The following FAT3 variants were observed in gnomAD, a reference collection of about 807,000 sequenced individuals.
The protein encoded by FAT3 is protocadherin Fat 3.
A neutral mutation model predicts 310.2 loss-of-function variants in FAT3; 95 were observed. The observed-to-expected ratio is 0.31, with a 90% CI of 0.26 to 0.36. The LOEUF (loss-of-function observed/expected upper bound fraction) is 0.36. Among genes scored for constraint, FAT3 ranks in the 10% least tolerant of loss-of-function variants. FAT3 has a pLI of 1.00. For synonymous variants in FAT3, 2,314 were observed against 2,192.9 expected (o/e 1.06, Z -1.54); for missense variants, 5,408 against 5,715.6 (o/e 0.95, Z 1.74).
At chr11:92,778,213 C>T (rs528811587) in intron 7 of FAT3, among the ~76,000 whole-genome samples, 5 of 152,214 alleles carry the variant, frequency 3.3e-5, no homozygotes, top group Middle Eastern at 3.4e-3. Flanking sequence ...CCAGGATGGC[C>T]GCCTTTAGTG....
intron 25 of FAT3, among the ~76,000 whole-genome samples, chr11:92,887,427 G>A (rs1344416422): frequency 1.3e-5 from 2 of 152,220 alleles, no homozygotes; most frequent in Admixed American, 1.3e-4. Flanking sequence ...TTCTCTAGCA[G>A]ACAGAGTAAT....
At chr11:92,724,226 G>A (rs1297820731) in intron 4 of FAT3, among the ~76,000 whole-genome samples, 1 of 152,122 alleles carries the variant, frequency 6.6e-6, no homozygotes, top group Non-Finnish European at 1.5e-5. Flanking sequence ...GCAGTTGGCA[G>A]GCTATCTTCT....
Position 92,880,843 on chromosome 11 carries a change from C to T in FAT3, c.12240C>T (p.Asn4080=). 1 of 1,613,966 alleles carries T rather than the reference C, an allele frequency of 6.2e-7. No individual in the cohort carries two copies. Among genetic ancestry groups the T allele is most frequent in the South Asian group, 1.1e-5 (1 of 91,072 alleles). ...GAGGATCCTGCGATCCAATAGGAAA[C>T]ACTTTCATCTGCAATTGTAAAGCTG... ...RNGGSCDPIG[N]TFICNCKAGL... is the part of the protein sequence containing the mutation. Residue 4080 remains asparagine (N), a synonymous_variant, in exon 23 of 28, where the codon AAC becomes AAT. Coordinates refer to ENST00000525166, the MANE Select transcript of FAT3 (RefSeq NM_001367949.2).
At chr11:92,559,382 C>CTTT in intron 3 of FAT3, 2 of 163,698 alleles carry the variant, frequency 1.2e-5, no homozygotes, top group Non-Finnish European at 2.5e-5. Context: ...TACTTATTTT[C>CTTT]CTTTTTTTTT....
intron 3 of FAT3, among the ~76,000 whole-genome samples, chr11:92,568,002 T>C (rs1955528657): frequency 6.6e-6 from 1 of 152,048 alleles, no homozygotes; most frequent in Admixed American, 6.6e-5. Flanking sequence ...GTAACTAACC[T>C]GCACATTGTG....
chr11:92,867,488 C>G (rs1329913376), intron 22 of FAT3, among the ~76,000 whole-genome samples: 1 of 152,210 alleles, frequency 6.6e-6, no homozygotes, highest in Non-Finnish European at 1.5e-5. Flanking sequence ...CCCTGTCCAA[C>G]CCCTGGCCTT....
chr11:92,226,819 G>A (rs1019553194), intron 1 of FAT3, among the ~76,000 whole-genome samples: 1 of 152,274 alleles, frequency 6.6e-6, no homozygotes, highest in South Asian at 2.1e-4. Flanking sequence ...TTCGGGTTTG[G>A]GCGAACCTGC....
chr11:92,410,777 C>G (rs1301092318), intron 2 of FAT3, among the ~76,000 whole-genome samples: 1 of 151,972 alleles, frequency 6.6e-6, no homozygotes, highest in Non-Finnish European at 1.5e-5. Flanking sequence ...CCTCCCTGGC[C>G]TCCCTGCCAG....
intron 2 of FAT3, among the ~76,000 whole-genome samples, chr11:92,485,274 G>A (rs1373475869): frequency 6.6e-6 from 1 of 152,184 alleles, no homozygotes; most frequent in Non-Finnish European, 1.5e-5. Context: ...CAGTATAGGT[G>A]TTAAATAAAT....
intron 2 of FAT3, among the ~76,000 whole-genome samples, chr11:92,442,346 C>T (rs1951095368): frequency 6.6e-6 from 1 of 150,414 alleles, no homozygotes; most frequent in South Asian, 2.1e-4. Flanking sequence ...ATCTCCTGAC[C>T]TTGTGATCTG....
In FAT3 at chr11:92,293,552, AAAT is replaced by A. The variant is rs1565206846; in HGVS notation, c.-17-58541_-17-58539del. On this transcript the variant is annotated intron_variant, in intron 1 of 27. Transcript: ENST00000525166. ...TATATATATATATATATATATATAT[AAAT>A]AAAATATATTCCTTCCAATTTCAAT... Among the ~76,000 whole-genome samples, 45 of 18,082 alleles carry A rather than the reference AAAT, an allele frequency of 2.5e-3. No individual in the cohort carries two copies. In the Admixed American group the frequency reaches 0.028, roughly 11 times the overall value. The allele number at this position is 18,082 out of a possible 152,430, so 11.9% of individuals were successfully genotyped here. A position where few individuals can be genotyped will look rare whatever the true frequency, so the allele number is the denominator to read the frequency against.
intron 1 of FAT3, among the ~76,000 whole-genome samples, chr11:92,344,491 T>C (rs998957702): frequency 1.3e-5 from 2 of 152,260 alleles, no homozygotes; most frequent in East Asian, 3.9e-4. Context: ...GCCCCAAAGC[T>C]CAAGAGTAGT....
At chr11:92,236,239 G>A (rs2134240731) in intron 1 of FAT3, among the ~76,000 whole-genome samples, 1 of 152,268 alleles carries the variant, frequency 6.6e-6, no homozygotes, top group South Asian at 2.1e-4. Flanking sequence ...TGACCATTGT[G>A]GGCAAGAAGA....
chr11:92,746,341 G>A (rs1383160728), intron 4 of FAT3, among the ~76,000 whole-genome samples: 1 of 152,134 alleles, frequency 6.6e-6, no homozygotes, highest in Non-Finnish European at 1.5e-5. Flanking sequence ...GCTTGTGCAG[G>A]GGAACTCTCA....
At chr11:92,360,786 G>A (rs1327037539) in intron 2 of FAT3, among the ~76,000 whole-genome samples, 1 of 152,122 alleles carries the variant, frequency 6.6e-6, no homozygotes, top group Non-Finnish European at 1.5e-5. Context: ...ACTGTGCAAG[G>A]TACATTTTAG....
At chr11:92,663,159 A>G (rs1253699393) in intron 3 of FAT3, among the ~76,000 whole-genome samples, 1 of 152,230 alleles carries the variant, frequency 6.6e-6, no homozygotes, top group Non-Finnish European at 1.5e-5. Context: ...AACCTGAGAC[A>G]GTTCAGATTT....
At chr11:92,268,142 T>C (rs1321208242) in intron 1 of FAT3, among the ~76,000 whole-genome samples, 1 of 152,054 alleles carries the variant, frequency 6.6e-6, no homozygotes, top group African/African-American at 2.4e-5. Flanking sequence ...TAGCTTTCAG[T>C]ACCTTATCTC....
At chr11:92,774,550 G>A (rs1313359942) in intron 7 of FAT3, among the ~76,000 whole-genome samples, 1 of 151,966 alleles carries the variant, frequency 6.6e-6, no homozygotes, top group Non-Finnish European at 1.5e-5. Flanking sequence ...ATTTTTTTTA[G>A]TCACAGAAAG....
intron 13 of FAT3, among the ~76,000 whole-genome samples, chr11:92,819,414 T>C (rs567329664): frequency 2.6e-5 from 4 of 152,208 alleles, no homozygotes; most frequent in Non-Finnish European, 5.9e-5. Flanking sequence ...TCTGACTCAG[T>C]AGGTCAGGGA....
Sources: gnomAD v4.1 joint callset for allele counts (sites outside exome capture counted in the v4.1 genomes callset) on GRCh38, gnomAD v4.1.1 for gene constraint, MANE v1.5 for transcripts, NCBI Gene and HGNC (gene_info 2026-07-23, HGNC 2026-07-21) for gene names.